The following WIPI2 variants were observed in gnomAD, a reference collection of about 807,000 sequenced individuals.
WIPI2 encodes WD repeat domain, phosphoinositide interacting 2.
In WIPI2, 28 loss-of-function variants were observed where a neutral mutation model predicts 52.3. The ratio of observed to expected loss-of-function variants is 0.54; its 90% CI spans 0.40 to 0.73. WIPI2 has a LOEUF of 0.73. Ranked by LOEUF, WIPI2 falls within the 30% of genes least tolerant of loss-of-function variation. The probability of loss-of-function intolerance (pLI) is 0.00; values close to 1 mark genes in which losing one functional copy is unlikely to be tolerated. For synonymous variants in WIPI2, 268 were observed against 245.0 expected, an observed-to-expected ratio of 1.09 and a Z score of -0.88; for missense variants, 506 against 602.9, an observed-to-expected ratio of 0.84 and a Z score of 1.68.
Position 5,214,668 on chromosome 7 carries a change from C to T in WIPI2, c.345C>T (p.Tyr115=), listed in dbSNP as rs1291759977. Reference sequence around the variant, plus strand: ...GAACTGAGATCTGCAACTACAGCTACTCCAACACGATTCTGGCTGTGAAGC... The same window carrying T: ...GAACTGAGATCTGCAACTACAGCTATTCCAACACGATTCTGGCTGTGAAGC... ...KKGTEICNYS[Y]SNTILAVKLN... is the part of the protein sequence containing the mutation. Residue 115 remains tyrosine, a synonymous_variant, in exon 4 of 13, where the codon TAC becomes TAT. Coordinates refer to ENST00000288828, the MANE Select transcript of WIPI2 (RefSeq NM_015610.4). 1.2e-6 allele frequency: 2 copies of T among 1,614,274 alleles called. No homozygotes were observed. The highest frequency in any genetic ancestry group is 1.7e-6 in the Non-Finnish European group (2 of 1,180,052).
At chr7:5,228,777 G>A in intron 11 of WIPI2, among the ~76,000 whole-genome samples, 1 of 152,224 alleles carries the variant, frequency 6.6e-6, no homozygotes, top group Admixed American at 6.5e-5. Flanking sequence ...CGCCCAGGCT[G>A]GAGAGCAGTG....
Position 5,231,058 on chromosome 7 carries a change from C to G in WIPI2, c.*111C>G. 2 of 721,832 alleles carry G rather than the reference C, an allele frequency of 2.8e-6. No homozygotes were observed. The highest frequency in any genetic ancestry group is 4.1e-6 in the Non-Finnish European group (2 of 483,810). 44.7% of individuals were successfully genotyped at this position (721,832 alleles called of 1,614,324 possible). ...GAGTCGGGGGAGAGGATGGCAGAGA[C>G]TTTATTAAAAAAAAAAAAAGATTGT... On this transcript the variant is annotated 3_prime_UTR_variant, in exon 13 of 13. Coordinates refer to ENST00000288828, the MANE Select transcript of WIPI2 (RefSeq NM_015610.4).
intron 4 of WIPI2, among the ~76,000 whole-genome samples, chr7:5,215,076 C>T (rs1782746995): frequency 6.6e-6 from 1 of 152,162 alleles, no homozygotes; most frequent in Admixed American, 6.5e-5. Flanking sequence ...TTTGGGAGGC[C>T]GAGGCGGGCA....
chr7:5,199,905 T>C (rs1012239153), intron 3 of WIPI2, among the ~76,000 whole-genome samples: 11 of 152,362 alleles, frequency 7.2e-5, no homozygotes, highest in South Asian at 6.2e-4. Flanking sequence ...GGGTCTTCAG[T>C]ACATGAGCAC....
intron 1 of WIPI2, among the ~76,000 whole-genome samples, chr7:5,191,393 C>T (rs73046132): frequency 6.6e-6 from 1 of 152,268 alleles, no homozygotes; most frequent in Non-Finnish European, 1.5e-5. Context: ...ATAACCTTGG[C>T]ATCTGACCTA....
chr7:5,205,283 A>G (rs1171242983), intron 3 of WIPI2, among the ~76,000 whole-genome samples: 2 of 152,130 alleles, frequency 1.3e-5, no homozygotes, highest in Non-Finnish European at 2.9e-5. Context: ...GCCCTGGCCT[A>G]TTAGTCTTAA....
chr7:5,218,313 G>C lies in WIPI2; in HGVS notation c.669+299G>C, dbSNP rs115601130. On this transcript the variant is annotated intron_variant, in intron 7 of 12. Coordinates refer to ENST00000288828, the MANE Select transcript of WIPI2 (RefSeq NM_015610.4). ...CTCACCCAGTGTGTTTCTAAATGAT[G>C]AAACTACCACATAACAGTAAAGAAC... The C allele has an allele frequency of 5.3e-3, 1,576 of 299,950 alleles. 27 individuals are homozygous for C. Among genetic ancestry groups the C allele is most frequent in the African/African-American group, 0.032 (1,495 of 46,486 alleles). The allele number at this position is 299,950 out of a possible 1,614,324, so 18.6% of individuals were successfully genotyped here.
At chr7:5,205,879 A>G (rs7789820) in intron 3 of WIPI2, among the ~76,000 whole-genome samples, 146,317 of 148,212 alleles carry the variant, frequency 0.99, 72,232 homozygotes, top group Middle Eastern at 1. Context: ...ATGTGCTGCC[A>G]CTGTTTTTTT....
chr7:5,230,733 TAA>T lies in WIPI2; in HGVS notation c.1253-100_1253-99del, dbSNP rs2115329294. The stretch of plus-strand genomic sequence containing the variant: ...ACGTCTTAGTACAGGCTTCAGTTTA[TAA>T]ATATACACCAGTGTTTCCAAAACAC... On this transcript the variant is annotated intron_variant, in intron 12 of 12. Transcript: ENST00000288828. The surrounding 1 kb of genome is among the most constrained non-coding windows in gnomAD (Gnocchi z 4.8). The T allele has an allele frequency of 2.6e-6, 2 of 761,026 alleles. No homozygotes were observed. Among genetic ancestry groups the T allele is most frequent in the East Asian group, 6.0e-5 (2 of 33,404 alleles). 47.1% of individuals were successfully genotyped at this position (761,026 alleles called of 1,614,324 possible).
At chr7:5,212,536 G>A (rs1261161213) in intron 3 of WIPI2, among the ~76,000 whole-genome samples, 12 of 152,076 alleles carry the variant, frequency 7.9e-5, no homozygotes, top group Non-Finnish European at 1.5e-4. Context: ...TCCTTTTTGG[G>A]GCAGGACTGG....
intron 3 of WIPI2, among the ~76,000 whole-genome samples, chr7:5,206,929 C>T (rs924252889): frequency 3.9e-5 from 6 of 152,104 alleles, no homozygotes; most frequent in African/African-American, 1.4e-4. Flanking sequence ...AGGAGTGCAC[C>T]GCCATGCTCA....
chr7:5,195,974 G>A (rs1000669375), intron 2 of WIPI2, among the ~76,000 whole-genome samples: 2 of 151,922 alleles, frequency 1.3e-5, no homozygotes, highest in African/African-American at 4.8e-5. Context: ...GGAGGCTGAG[G>A]TTGCAGTGAG....
chr7:5,197,169 A>G (rs552702439), intron 2 of WIPI2, among the ~76,000 whole-genome samples: 5 of 150,252 alleles, frequency 3.3e-5, no homozygotes, highest in South Asian at 2.1e-4. Context: ...TAAACTTAGC[A>G]CTACAGTCTG....
chr7:5,218,370 A>G (rs1346670220), intron 7 of WIPI2: 1 of 200,276 alleles, frequency 5.0e-6, no homozygotes. Flanking sequence ...AAAAGCAAAG[A>G]CAGAATTCTA....
At chr7:5,212,606 T>A (rs1782611494) in intron 3 of WIPI2, among the ~76,000 whole-genome samples, 1 of 152,260 alleles carries the variant, frequency 6.6e-6, no homozygotes, top group South Asian at 2.1e-4. Flanking sequence ...TGATCACCGC[T>A]CATTGCAGCC....
chr7:5,223,033 C>G (rs367859088), intron 8 of WIPI2, among the ~76,000 whole-genome samples: 1 of 152,134 alleles, frequency 6.6e-6, no homozygotes, highest in Non-Finnish European at 1.5e-5. Context: ...AGAACCTGTT[C>G]CAGCTCTCCA....
At chr7:5,210,357 C>G (rs1782495183) in intron 3 of WIPI2, among the ~76,000 whole-genome samples, 1 of 152,236 alleles carries the variant, frequency 6.6e-6, no homozygotes, top group African/African-American at 2.4e-5. Context: ...GGACGTGTCT[C>G]ATTTCCTCTT....
intron 4 of WIPI2, 86 bp downstream of exon 4, chr7:5,214,790 C>G: frequency 6.8e-7 from 1 of 1,479,670 alleles, no homozygotes. Flanking sequence ...CATGCCCCTC[C>G]GTCATTCCCT....
intron 2 of WIPI2, among the ~76,000 whole-genome samples, chr7:5,194,916 G>A (rs187916851): frequency 2.0e-5 from 3 of 152,326 alleles, no homozygotes; most frequent in Admixed American, 1.3e-4. Flanking sequence ...TTAAACTGCA[G>A]AATCCCCTCC....
Sources: allele counts gnomAD v4.1 joint callset (sites outside exome capture counted in the v4.1 genomes callset), GRCh38; gene constraint gnomAD v4.1.1; non-coding constraint Gnocchi (gnomAD v3.1); transcripts MANE v1.5; gene names NCBI Gene and HGNC (gene_info 2026-07-23, HGNC 2026-07-21).